The following MAGI2 variants were observed in gnomAD, a reference collection of about 807,000 sequenced individuals.
MAGI2 encodes the protein membrane-associated guanylate kinase, WW and PDZ domain-containing protein 2.
Under a neutral mutation model 133.3 loss-of-function variants are expected in MAGI2, and 35 were observed. That is an observed-to-expected ratio of 0.26 (90% CI 0.20 to 0.35). MAGI2 has a LOEUF of 0.35. Among genes scored for constraint, MAGI2 ranks in the 10% least tolerant of loss-of-function variants. The pLI is 1.00. For synonymous variants in MAGI2, 729 were observed against 710.6 expected, an observed-to-expected ratio of 1.03 and a Z score of -0.41; for missense variants, 1,636 against 1,863.4, an observed-to-expected ratio of 0.88 and a Z score of 2.25.
chr7:78,941,759 C>T (rs1009805549), intron 2 of MAGI2, among the ~76,000 whole-genome samples: 1 of 151,782 alleles, frequency 6.6e-6, no homozygotes, highest in African/African-American at 2.4e-5. Context: ...CACACACACA[C>T]ACACACACAC....
Position 78,976,782 on chromosome 7 carries a change from A to C in MAGI2, c.418+30308T>G, listed in dbSNP as rs376584921. Among the ~76,000 whole-genome samples, 5 of 151,706 alleles carry C rather than the reference A, an allele frequency of 3.3e-5. No homozygotes were observed. The East Asian group carries it at 9.7e-4, about 30-fold the overall frequency. On this transcript the variant is annotated intron_variant, in intron 2 of 21. Coordinates refer to ENST00000354212, the MANE Select transcript of MAGI2 (RefSeq NM_012301.4). ...TTGCAGGATTAATGGTCAACATGCA[A>C]AACTCAATTGCTCTGCTTTATACTA...
chr7:79,322,051 T>C (rs1297044154), intron 1 of MAGI2, among the ~76,000 whole-genome samples: 1 of 152,140 alleles, frequency 6.6e-6, no homozygotes, highest in African/African-American at 2.4e-5. Flanking sequence ...GTACCTATTT[T>C]AGTTCATAGT....
intron 10 of MAGI2, chr7:78,252,611 T>C (rs984631095): frequency 1.3e-5 from 2 of 151,920 alleles, no homozygotes; most frequent in African/African-American, 4.8e-5. Flanking sequence ...CAAAGATTTC[T>C]TAGATATAAC....
At chr7:78,533,656 A>G (rs552773735) in intron 3 of MAGI2, among the ~76,000 whole-genome samples, 2 of 152,318 alleles carry the variant, frequency 1.3e-5, no homozygotes, top group East Asian at 3.9e-4. Context: ...CTGTAAATAT[A>G]AATTGCACAC....
At chr7:78,545,212 C>CTTTTTTT (rs71085537) in intron 3 of MAGI2, among the ~76,000 whole-genome samples, 1 of 83,128 alleles carries the variant, frequency 1.2e-5, no homozygotes, top group Non-Finnish European at 2.2e-5. Context: ...TAACCTGATT[C>CTTTTTTT]TTTTTTTTTT....
At chr7:79,224,992 A>C (rs904091754) in intron 1 of MAGI2, among the ~76,000 whole-genome samples, 4 of 152,238 alleles carry the variant, frequency 2.6e-5, no homozygotes, top group Non-Finnish European at 5.9e-5. Context: ...CTTTACATTT[A>C]AAAGTCACAT....
At chr7:78,498,874 C>T (rs1794367824) in intron 5 of MAGI2, among the ~76,000 whole-genome samples, 1 of 152,102 alleles carries the variant, frequency 6.6e-6, no homozygotes, top group African/African-American at 2.4e-5. Flanking sequence ...GACACAGTCA[C>T]TTCCACCATG....
At chr7:79,132,533 A>G (rs2129545434) in intron 1 of MAGI2, among the ~76,000 whole-genome samples, 1 of 152,158 alleles carries the variant, frequency 6.6e-6, no homozygotes, top group Non-Finnish European at 1.5e-5. Flanking sequence ...TTCTTTATCC[A>G]CTCATTAGTC....
intron 3 of MAGI2, among the ~76,000 whole-genome samples, chr7:78,593,649 T>G (rs533998615): frequency 6.6e-6 from 1 of 152,278 alleles, no homozygotes; most frequent in East Asian, 1.9e-4. Flanking sequence ...TAACTCTTAT[T>G]TGTCTTCCAG....
At chr7:78,077,883 C>T (rs1376874863) in intron 21 of MAGI2, among the ~76,000 whole-genome samples, 1 of 151,876 alleles carries the variant, frequency 6.6e-6, no homozygotes, top group African/African-American at 2.4e-5. Context: ...GCATGTGCCA[C>T]CATGCCTGGC....
intron 10 of MAGI2, among the ~76,000 whole-genome samples, chr7:78,241,670 C>T (rs897457926): frequency 7.2e-5 from 11 of 152,220 alleles, no homozygotes; most frequent in South Asian, 6.2e-4. Flanking sequence ...CAGTGGCTCA[C>T]GCCTGTAATC....
At chr7:78,253,461 TACTG>T (rs1368516613) in intron 10 of MAGI2, 2 of 152,244 alleles carry the variant, frequency 1.3e-5, no homozygotes, top group South Asian at 2.1e-4. Flanking sequence ...TTTAGCAACT[TACTG>T]AGCATACACT....
intron 21 of MAGI2, among the ~76,000 whole-genome samples, chr7:78,069,742 T>C (rs556713347): frequency 1.3e-5 from 2 of 152,264 alleles, no homozygotes; most frequent in South Asian, 4.2e-4. Context: ...CTTTAAGGTC[T>C]TCCCCATAGT....
intron 2 of MAGI2, among the ~76,000 whole-genome samples, chr7:78,783,012 C>CTTTTTTT (rs11432048): frequency 2.1e-5 from 2 of 96,230 alleles, no homozygotes; most frequent in African/African-American, 4.3e-5. Flanking sequence ...TGATTCTTAC[C>CTTTTTTT]TTTTTTTTTT....
intron 9 of MAGI2, among the ~76,000 whole-genome samples, chr7:78,335,139 C>T (rs1311718905): frequency 6.6e-6 from 1 of 152,162 alleles, no homozygotes; most frequent in Non-Finnish European, 1.5e-5. Context: ...TAAGTATTTA[C>T]TAATATTTGA....
chr7:78,535,434 G>A (rs758675126), intron 3 of MAGI2, among the ~76,000 whole-genome samples: 2 of 152,130 alleles, frequency 1.3e-5, no homozygotes, highest in African/African-American at 4.8e-5. Context: ...ATGGATTGGA[G>A]GCAGCAAGAG....
Position 79,068,552 on chromosome 7 carries a change from T to C in MAGI2, c.302-61346A>G, listed in dbSNP as rs571786525. On this transcript the variant is annotated intron_variant, in intron 1 of 21. Coordinates refer to ENST00000354212, the MANE Select transcript of MAGI2 (RefSeq NM_012301.4). ...TTCAAAAAACCACCGCCTGGATTAA[T>C]TGATTTTTTGAAGGGTTTTTTGTGT... Among the ~76,000 whole-genome samples, 3 of 151,572 alleles carry C rather than the reference T, an allele frequency of 2.0e-5. No homozygotes were observed. The East Asian group carries it at 5.8e-4, about 29-fold the overall frequency.
intron 9 of MAGI2, among the ~76,000 whole-genome samples, chr7:78,272,445 G>A (rs529955419): frequency 2.3e-4 from 35 of 152,316 alleles, no homozygotes; most frequent in African/African-American, 7.7e-4. Flanking sequence ...TTCTGTAGAT[G>A]TCTATTAGGT....
intron 6 of MAGI2, among the ~76,000 whole-genome samples, chr7:78,378,725 T>C (rs1794668556): frequency 6.6e-6 from 1 of 151,972 alleles, no homozygotes; most frequent in Non-Finnish European, 1.5e-5. Flanking sequence ...CCTACTTAAT[T>C]AAACCAAGCT....
Sources: gnomAD v4.1 joint callset for allele counts (sites outside exome capture counted in the v4.1 genomes callset) on GRCh38, gnomAD v4.1.1 for gene constraint, MANE v1.5 for transcripts, NCBI Gene and HGNC (gene_info 2026-07-23, HGNC 2026-07-21) for gene names.